NEMP2: variants seen among roughly 807,000 people sequenced by gnomAD.
NEMP2 encodes nuclear envelope integral membrane protein 2, also known as UPF0571 transmembrane protein.
NEMP2 carries 53 observed loss-of-function variants against 54.2 expected under a neutral mutation model. The observed-to-expected ratio is 0.98, with a 90% CI of 0.78 to 1.23. NEMP2 has a LOEUF of 1.23. NEMP2 is among the 50% of genes most tolerant of loss of function. NEMP2 has a pLI of 0.00. For missense variants in NEMP2, 455 were observed against 511.3 expected (o/e 0.89, Z 1.06); for synonymous variants, 197 against 190.3 (o/e 1.04, Z -0.29).
chr2:190,480,458 GA>G, the NEMP2 span, among the ~76,000 whole-genome samples: 1 of 152,158 alleles, frequency 6.6e-6, no homozygotes, highest in Non-Finnish European at 1.5e-5. Flanking sequence ...AGTATCTGAA[GA>G]AAATTTGAAA....
Position 190,531,741 on chromosome 2 carries a change from G to A in NEMP2, c.97+2818C>T, listed in dbSNP as rs146428456. On this transcript the variant is annotated intron_variant, in intron 1 of 8. Transcript: ENST00000409150. The surrounding 1 kb of genome is among the most constrained non-coding windows in gnomAD (Gnocchi z 4.7). ...CAATTATCTCCTTTGTAGTACTTTT[G>A]TCATTTATTAGTTTTCCTAAATGTA... Among the ~76,000 whole-genome samples the A allele has an allele frequency of 2.0e-5, 3 of 151,846 alleles. No homozygotes were observed. The East Asian group carries it at 5.8e-4, about 29-fold the overall frequency.
the NEMP2 span, among the ~76,000 whole-genome samples, chr2:190,590,624 T>G: frequency 3.6e-4 from 55 of 152,318 alleles, no homozygotes; most frequent in African/African-American, 1.3e-3. This position sits in a 1 kb window ranked among gnomAD's most constrained non-coding sequence, Gnocchi z 5.1. Flanking sequence ...TCTCAGTTGC[T>G]TCCTGAGTAA....
At chr2:190,500,023 T>G, downstream of NEMP2, 1 of 1,614,168 alleles carries the variant, frequency 6.2e-7, no homozygotes. This position sits in a 1 kb window ranked among gnomAD's most constrained non-coding sequence, Gnocchi z 5.3. Context: ...AGGGGACCAA[T>G]GAGAATAGGG....
At chr2:190,542,423 G>C in the NEMP2 span, among the ~76,000 whole-genome samples, 132 of 152,286 alleles carry the variant, frequency 8.7e-4, no homozygotes, top group African/African-American at 3.0e-3. This position sits in a 1 kb window ranked among gnomAD's most constrained non-coding sequence, Gnocchi z 4.6. Flanking sequence ...TGTTGGCCCG[G>C]CTAGTCTTGA....
the NEMP2 span, among the ~76,000 whole-genome samples, chr2:190,444,511 C>T: frequency 6.6e-6 from 1 of 152,336 alleles, no homozygotes; most frequent in East Asian, 1.9e-4. Context: ...AGGTGGATTG[C>T]AGATGTAAAG....
chr2:190,577,309 C>A, the NEMP2 span, among the ~76,000 whole-genome samples: 1 of 152,074 alleles, frequency 6.6e-6, no homozygotes, highest in East Asian at 1.9e-4. The surrounding 1 kb of genome is among the most constrained non-coding windows in gnomAD (Gnocchi z 4.8). Context: ...TTTTTGGTCC[C>A]ATTGGTATCT....
chr2:190,437,559 C>T, the NEMP2 span: 3 of 1,609,918 alleles, frequency 1.9e-6, no homozygotes, highest in Middle Eastern at 1.6e-4. This position sits in a 1 kb window ranked among gnomAD's most constrained non-coding sequence, Gnocchi z 5.9. Context: ...TCGGCCACAT[C>T]AGGTAAGAAC....
the NEMP2 span, among the ~76,000 whole-genome samples, chr2:190,431,441 G>A: frequency 7.9e-5 from 12 of 152,250 alleles, no homozygotes; most frequent in Non-Finnish European, 1.2e-4. This position sits in a 1 kb window ranked among gnomAD's most constrained non-coding sequence, Gnocchi z 4.4. Flanking sequence ...ACGAGACTCC[G>A]TCTGCAATCC....
At chr2:190,456,893 G>A in the NEMP2 span, among the ~76,000 whole-genome samples, 2 of 152,222 alleles carry the variant, frequency 1.3e-5, no homozygotes, top group African/African-American at 4.8e-5. The surrounding 1 kb of genome is among the most constrained non-coding windows in gnomAD (Gnocchi z 5.4). Flanking sequence ...CTAGGATATT[G>A]GACAACTGTT....
chr2:190,561,879 C>T, the NEMP2 span, among the ~76,000 whole-genome samples: 1 of 152,116 alleles, frequency 6.6e-6, no homozygotes, highest in African/African-American at 2.4e-5. This position sits in a 1 kb window ranked among gnomAD's most constrained non-coding sequence, Gnocchi z 5.4. Context: ...TTAATGGCCC[C>T]TGGAAGAGTC....
chr2:190,627,348 A>G, the NEMP2 span, among the ~76,000 whole-genome samples: 1 of 152,218 alleles, frequency 6.6e-6, no homozygotes, highest in Non-Finnish European at 1.5e-5. The surrounding 1 kb of genome is among the most constrained non-coding windows in gnomAD (Gnocchi z 4.4). Context: ...TTGCACAGAT[A>G]ATGTGTTTTT....
At chr2:190,456,121 A>G in the NEMP2 span, among the ~76,000 whole-genome samples, 2 of 151,510 alleles carry the variant, frequency 1.3e-5, no homozygotes, top group African/African-American at 4.9e-5. The surrounding 1 kb of genome is among the most constrained non-coding windows in gnomAD (Gnocchi z 5.4). Flanking sequence ...TTATATTTTT[A>G]GTAGAGATGG....
At chr2:190,567,831 T>C in the NEMP2 span, among the ~76,000 whole-genome samples, 1 of 152,114 alleles carries the variant, frequency 6.6e-6, no homozygotes. The surrounding 1 kb of genome is among the most constrained non-coding windows in gnomAD (Gnocchi z 4.0). Context: ...GTATTTTTAG[T>C]AGAGACAGGG....
chr2:190,577,327 G>A, the NEMP2 span, among the ~76,000 whole-genome samples: 3 of 151,980 alleles, frequency 2.0e-5, no homozygotes. This position sits in a 1 kb window ranked among gnomAD's most constrained non-coding sequence, Gnocchi z 4.8. Flanking sequence ...TCTTTTTTTA[G>A]ATGGTACATT....
Position 190,513,811 on chromosome 2 carries a change from T to TA in NEMP2, c.953+641dup, listed in dbSNP as rs1690456639. On this transcript the variant is annotated intron_variant, in intron 7 of 8. Coordinates refer to ENST00000409150, the MANE Select transcript of NEMP2 (RefSeq NM_001142645.2). This position sits in a 1 kb window ranked among gnomAD's most constrained non-coding sequence, Gnocchi z 5.3. ...TTAGTTCCTGGGCAAGTCTCCATTT[T>TA]AATACTTAAAAGAGATAGAAATGTA... 6.6e-6 allele frequency among the ~76,000 whole-genome samples: 1 copy of TA among 152,248 alleles called. No individual in the cohort carries two copies. The highest frequency in any genetic ancestry group is 2.1e-4 in the South Asian group (1 of 4,836).
chr2:190,429,330 C>CTT, the NEMP2 span, among the ~76,000 whole-genome samples: 1 of 142,066 alleles, frequency 7.0e-6, no homozygotes, highest in Non-Finnish European at 1.5e-5. Flanking sequence ...AACAGAAATT[C>CTT]TTTTTTTTTT....
chr2:190,566,297 G>A, the NEMP2 span, among the ~76,000 whole-genome samples: 1 of 152,166 alleles, frequency 6.6e-6, no homozygotes, highest in Non-Finnish European at 1.5e-5. Flanking sequence ...TGAGTGTGTT[G>A]ACTGGGACTT....
the NEMP2 span, among the ~76,000 whole-genome samples, chr2:190,599,325 T>G: frequency 6.6e-6 from 1 of 152,188 alleles, no homozygotes; most frequent in Non-Finnish European, 1.5e-5. Flanking sequence ...TGGCATCAAG[T>G]AGATGAAAAA....
chr2:190,633,300 T>C, the NEMP2 span, among the ~76,000 whole-genome samples: 1 of 151,626 alleles, frequency 6.6e-6, no homozygotes, highest in African/African-American at 2.4e-5. Flanking sequence ...TTTTGTTGCA[T>C]TCAACTTTTC....
Sources: allele counts gnomAD v4.1 joint callset (sites outside exome capture counted in the v4.1 genomes callset), GRCh38; gene constraint gnomAD v4.1.1; non-coding constraint Gnocchi (gnomAD v3.1); transcripts MANE v1.5; gene names NCBI Gene and HGNC (gene_info 2026-07-23, HGNC 2026-07-21).